COPS4: variants seen among roughly 807,000 people sequenced by gnomAD.
COPS4 encodes the protein COP9 signalosome complex subunit 4.
A neutral mutation model predicts 55.1 loss-of-function variants in COPS4; 8 were observed. That is an observed-to-expected ratio of 0.15 (90% CI 0.09 to 0.26). The LOEUF (loss-of-function observed/expected upper bound fraction) is 0.26. Among genes scored for constraint, COPS4 ranks in the 10% least tolerant of loss-of-function variants. The pLI, the probability that COPS4 is intolerant of heterozygous loss-of-function variation, is 1.00. For synonymous variants in COPS4, 185 were observed against 165.7 expected, an observed-to-expected ratio of 1.12 and a Z score of -0.90; for missense variants, 248 against 484.0, an observed-to-expected ratio of 0.51 and a Z score of 4.58.
chr4:83,056,396 A>G (rs1359530323), intron 4 of COPS4, among the ~76,000 whole-genome samples: 1 of 152,198 alleles, frequency 6.6e-6, no homozygotes, highest in Admixed American at 6.5e-5. Context: ...TTCTTTTAAG[A>G]TCTTTAGCTT....
chr4:83,045,609 A>G lies in COPS4; in HGVS notation c.75-17A>G, dbSNP rs368877101. ...ATAGTACCCTCAGAACATTATTTTC[A>G]TTTGGTATTGTTGTAGGTATCGTCA... On this transcript the variant is annotated splice_polypyrimidine_tract_variant and intron_variant, in intron 1 of 9. Coordinates refer to ENST00000264389, the MANE Select transcript of COPS4 (RefSeq NM_016129.3). The G allele has an allele frequency of 4.9e-5, 77 of 1,586,838 alleles. 1 individual carries two copies. The highest frequency in any genetic ancestry group is 1.7e-4 in the Middle Eastern group (1 of 6,026).
At chr4:83,070,991 C>G (rs1010821511) in intron 9 of COPS4, among the ~76,000 whole-genome samples, 1 of 152,168 alleles carries the variant, frequency 6.6e-6, no homozygotes, top group African/African-American at 2.4e-5. Flanking sequence ...ATATTTACCC[C>G]TTTCCAGCCA....
intron 7 of COPS4, among the ~76,000 whole-genome samples, chr4:83,064,726 AT>A (rs1315017546): frequency 2.0e-5 from 3 of 152,026 alleles, no homozygotes; most frequent in Non-Finnish European, 4.4e-5. Flanking sequence ...TGCCTGGTTA[AT>A]ATTTTAATTT....
intron 1 of COPS4, among the ~76,000 whole-genome samples, chr4:83,045,103 TTA>T (rs1730673690): frequency 2.0e-5 from 3 of 152,224 alleles, no homozygotes; most frequent in Non-Finnish European, 2.9e-5. Context: ...CATTCAGTCT[TTA>T]ATGTTTGGTT....
rs188332142 is a variant in COPS4, at chr4:83,037,536, C to T, written c.74+2238C>T. ...CTTTCTGAGAAAAGTCTTGGCCTTG[C>T]CTGCATTTCCTATGTGGGCAAGAAT... On this transcript the variant is annotated intron_variant, in intron 1 of 9. Transcript: ENST00000264389. 1.5e-4 allele frequency among the ~76,000 whole-genome samples: 23 copies of T among 152,352 alleles called. No homozygotes were observed. In the East Asian group the frequency reaches 4.2e-3, roughly 28 times the overall value.
intron 4 of COPS4, among the ~76,000 whole-genome samples, chr4:83,053,639 G>A (rs974351833): frequency 2.0e-4 from 30 of 152,146 alleles, no homozygotes; most frequent in Admixed American, 1.6e-3. Flanking sequence ...TCGGGAGCTT[G>A]AGATCAGCCT....
chr4:83,035,334 G>A (rs965956167), intron 1 of COPS4, 36 bp downstream of exon 1: 6 of 1,481,058 alleles, frequency 4.1e-6, no homozygotes, highest in Middle Eastern at 1.8e-4. Context: ...GTACAGAGGT[G>A]GGGAAAGAAA....
chr4:83,061,696 A>G (rs1731167618), intron 6 of COPS4, among the ~76,000 whole-genome samples: 1 of 150,450 alleles, frequency 6.6e-6, no homozygotes, highest in African/African-American at 2.4e-5. Flanking sequence ...TGTTCCAATC[A>G]TGACTAGATT....
At chr4:83,070,727 G>T (rs183127701) in intron 9 of COPS4, among the ~76,000 whole-genome samples, 2 of 152,114 alleles carry the variant, frequency 1.3e-5, no homozygotes, top group Admixed American at 1.3e-4. Context: ...CTCCTTTCTA[G>T]TTCAGTTCCC....
intron 1 of COPS4, among the ~76,000 whole-genome samples, chr4:83,039,610 T>G (rs1201838336): frequency 6.6e-6 from 1 of 152,144 alleles, no homozygotes; most frequent in Non-Finnish European, 1.5e-5. Context: ...ATTTCATCAG[T>G]CTTGAGATGT....
At chr4:83,057,774 T>A (rs1464609977) in intron 6 of COPS4, among the ~76,000 whole-genome samples, 1 of 151,580 alleles carries the variant, frequency 6.6e-6, no homozygotes, top group Admixed American at 6.6e-5. Flanking sequence ...TACAAAAAAT[T>A]AGCCGGGCGT....
At chr4:83,044,565 C>T (rs535316403) in intron 1 of COPS4, among the ~76,000 whole-genome samples, 7 of 151,864 alleles carry the variant, frequency 4.6e-5, no homozygotes, top group Non-Finnish European at 8.8e-5. Flanking sequence ...ATCATGAGGT[C>T]GGGAGTTTGA....
At chr4:83,036,957 C>T (rs181306305) in intron 1 of COPS4, among the ~76,000 whole-genome samples, 7 of 152,286 alleles carry the variant, frequency 4.6e-5, no homozygotes, top group Middle Eastern at 3.4e-3. Flanking sequence ...GTACTTAAAG[C>T]GTGCTTCAGT....
chr4:83,068,643 C>T, intron 9 of COPS4, 121 bp downstream of exon 9: 1 of 635,470 alleles, frequency 1.6e-6, no homozygotes. Context: ...AGCTTATTTC[C>T]CAAAGAAATA....
chr4:83,063,001 A>C, intron 6 of COPS4, 75 bp from the exon 7 acceptor site: 1 of 1,314,180 alleles, frequency 7.6e-7, no homozygotes. Context: ...TGAGGTCATA[A>C]GATAGGTTTT....
chr4:83,055,272 A>G (rs1439238792), intron 4 of COPS4, among the ~76,000 whole-genome samples: 1 of 152,190 alleles, frequency 6.6e-6, no homozygotes, highest in Non-Finnish European at 1.5e-5. Context: ...GACCACTGAG[A>G]TGAAGAAGAA....
chr4:83,055,992 G>A (rs930674499), intron 4 of COPS4, among the ~76,000 whole-genome samples: 1 of 145,260 alleles, frequency 6.9e-6, no homozygotes, highest in African/African-American at 2.6e-5. Flanking sequence ...GCAATGTCAC[G>A]ATCTTGGCTC....
At chr4:83,054,927 C>T (rs566940895) in intron 4 of COPS4, among the ~76,000 whole-genome samples, 37 of 152,254 alleles carry the variant, frequency 2.4e-4, no homozygotes, top group Non-Finnish European at 5.1e-4. Flanking sequence ...AATAGTTACA[C>T]TTGGCAAAAA....
At position 83,049,336 on chromosome 4, in the gene COPS4, G is replaced by T; in HGVS notation, c.306+19G>T. 1.9e-6 allele frequency: 3 copies of T among 1,553,576 alleles called. No individual in the cohort carries two copies. The highest frequency in any genetic ancestry group is 1.2e-5 in the South Asian group (1 of 81,368). Reference sequence around the variant, plus strand: ...GGAGCAGGTAAAAATCTAGAGAAGTGGTTTTTTAACTTGAGATAGCAGCAG... The same window carrying T: ...GGAGCAGGTAAAAATCTAGAGAAGTTGTTTTTTAACTTGAGATAGCAGCAG... On this transcript the variant is annotated intron_variant, in intron 3 of 9. Transcript: ENST00000264389.
Sources: gnomAD v4.1 joint callset for allele counts (sites outside exome capture counted in the v4.1 genomes callset) on GRCh38, gnomAD v4.1.1 for gene constraint, MANE v1.5 for transcripts, NCBI Gene and HGNC (gene_info 2026-07-23, HGNC 2026-07-21) for gene names.